CLSTN2: variants seen among roughly 807,000 people sequenced by gnomAD.
The protein encoded by CLSTN2 is calsyntenin-2.
CLSTN2 carries 48 observed loss-of-function variants against 101.2 expected under a neutral mutation model. The observed-to-expected ratio is 0.47, with a 90% CI of 0.38 to 0.60. The LOEUF (loss-of-function observed/expected upper bound fraction) is 0.60, where lower values mean the gene tolerates loss of function less well. CLSTN2 is among the 20% of genes least tolerant of loss of function. The pLI, the probability that CLSTN2 is intolerant of heterozygous loss-of-function variation, is 0.00. For missense variants in CLSTN2, 1,160 were observed against 1,238.2 expected (o/e 0.94, Z 0.95); for synonymous variants, 481 against 463.6 (o/e 1.04, Z -0.48).
At chr3:140,481,424 A>G (rs988861983) in intron 8 of CLSTN2, among the ~76,000 whole-genome samples, 1 of 152,236 alleles carries the variant, frequency 6.6e-6, no homozygotes, top group African/African-American at 2.4e-5. Context: ...TTACTTGACA[A>G]TGTGGGCTCC....
intron 2 of CLSTN2, among the ~76,000 whole-genome samples, chr3:140,315,680 G>A (rs957926204): frequency 5.3e-5 from 8 of 152,194 alleles, no homozygotes; most frequent in African/African-American, 1.2e-4. Context: ...GCTCCACAGA[G>A]TGGCTGTTAC....
intron 2 of CLSTN2, among the ~76,000 whole-genome samples, chr3:140,283,879 GT>G (rs1387615520): frequency 2.0e-5 from 3 of 152,106 alleles, no homozygotes; most frequent in Middle Eastern, 3.2e-3. Flanking sequence ...TGGCATTTAA[GT>G]TATGACTTGT....
intron 1 of CLSTN2, among the ~76,000 whole-genome samples, chr3:140,102,361 C>A (rs1226165400): frequency 1.3e-5 from 2 of 152,166 alleles, no homozygotes; most frequent in Admixed American, 1.3e-4. Context: ...GGGCAAGAAG[C>A]CTGTTGTGCT....
chr3:140,048,218 A>C (rs1457289464), intron 1 of CLSTN2, among the ~76,000 whole-genome samples: 1 of 152,256 alleles, frequency 6.6e-6, no homozygotes, highest in Non-Finnish European at 1.5e-5. Flanking sequence ...ATGCACGGCT[A>C]TTAAAATTAA....
intron 1 of CLSTN2, among the ~76,000 whole-genome samples, chr3:139,942,836 C>T (rs971325887): frequency 3.9e-5 from 6 of 152,126 alleles, no homozygotes; most frequent in Non-Finnish European, 5.9e-5. Context: ...CCACTTGAAG[C>T]CCATTTCTTT....
intron 1 of CLSTN2, among the ~76,000 whole-genome samples, chr3:140,018,348 C>T (rs1271661824): frequency 6.6e-6 from 1 of 152,162 alleles, no homozygotes; most frequent in African/African-American, 2.4e-5. Context: ...CCAGCAGCAG[C>T]AATATTATAG....
At chr3:140,071,832 A>AAAATAAATAAATAAATAAATAAAT (rs142873442) in intron 1 of CLSTN2, among the ~76,000 whole-genome samples, 31 of 149,848 alleles carry the variant, frequency 2.1e-4, no homozygotes, top group African/African-American at 7.5e-4. Flanking sequence ...CTCCGTCTAA[A>AAAATAAATAAATAAATAAATAAAT]AAATAAATAA....
chr3:140,184,409 G>A (rs927272044), intron 2 of CLSTN2, among the ~76,000 whole-genome samples: 12 of 152,076 alleles, frequency 7.9e-5, no homozygotes, highest in African/African-American at 2.9e-4. Flanking sequence ...GGTAGCAGGT[G>A]AGAGAGAGAG....
intron 6 of CLSTN2, among the ~76,000 whole-genome samples, chr3:140,453,717 G>C (rs1383861703): frequency 6.6e-6 from 1 of 152,122 alleles, no homozygotes; most frequent in Admixed American, 6.6e-5. Context: ...ATATTGCATT[G>C]TATCCCATAA....
chr3:140,495,192 A>G (rs1474980815), intron 8 of CLSTN2, among the ~76,000 whole-genome samples: 2 of 152,122 alleles, frequency 1.3e-5, no homozygotes, highest in Admixed American at 6.5e-5. Context: ...TGTGGTTTTG[A>G]CTTGCATTTC....
intron 9 of CLSTN2, among the ~76,000 whole-genome samples, chr3:140,537,048 G>A (rs1935374510): frequency 6.6e-6 from 1 of 152,172 alleles, no homozygotes; most frequent in South Asian, 2.1e-4. Context: ...ATCTCTGCAT[G>A]TTTCTAAACC....
chr3:139,987,355 G>T (rs1576387634), intron 1 of CLSTN2, among the ~76,000 whole-genome samples: 1 of 152,296 alleles, frequency 6.6e-6, no homozygotes, highest in East Asian at 1.9e-4. Flanking sequence ...ATGGACAAGA[G>T]CTTATACATT....
At chr3:140,388,354 A>G (rs550501661) in intron 2 of CLSTN2, among the ~76,000 whole-genome samples, 4 of 152,270 alleles carry the variant, frequency 2.6e-5, no homozygotes, top group Non-Finnish European at 4.4e-5. Flanking sequence ...ATGGAGATAC[A>G]TAAATCACAC....
intron 8 of CLSTN2, among the ~76,000 whole-genome samples, chr3:140,502,130 G>A (rs563874075): frequency 6.6e-6 from 1 of 152,204 alleles, no homozygotes; most frequent in Non-Finnish European, 1.5e-5. Context: ...TATGGTGGTG[G>A]TGGGTGAAGG....
At chr3:140,518,900 C>T (rs1576609011) in intron 8 of CLSTN2, among the ~76,000 whole-genome samples, 1 of 152,246 alleles carries the variant, frequency 6.6e-6, no homozygotes, top group African/African-American at 2.4e-5. Context: ...TTGTTTGCTC[C>T]TGGTTCTTCT....
intron 1 of CLSTN2, among the ~76,000 whole-genome samples, chr3:140,060,929 C>A (rs577283215): frequency 6.6e-6 from 1 of 152,248 alleles, no homozygotes; most frequent in Admixed American, 6.5e-5. Flanking sequence ...GAATTTCTGC[C>A]TTCAGTGAGT....
chr3:140,420,822 T>C (rs940503954), intron 4 of CLSTN2, among the ~76,000 whole-genome samples: 1 of 152,194 alleles, frequency 6.6e-6, no homozygotes, highest in Non-Finnish European at 1.5e-5. Context: ...CAGGAGGAAG[T>C]CTTCTGGCAG....
chr3:140,283,229 C>G (rs1022050926), intron 2 of CLSTN2, among the ~76,000 whole-genome samples: 1 of 152,116 alleles, frequency 6.6e-6, no homozygotes, highest in Non-Finnish European at 1.5e-5. Flanking sequence ...ATCACTAGTT[C>G]AGGTGAAGCC....
At chr3:140,249,516 G>A (rs1162322779) in intron 2 of CLSTN2, among the ~76,000 whole-genome samples, 6 of 152,060 alleles carry the variant, frequency 3.9e-5, no homozygotes, top group Admixed American at 3.9e-4. Flanking sequence ...CTAAGCTAGG[G>A]GCATAGCAGC....
Sources: gnomAD v4.1 joint callset for allele counts (sites outside exome capture counted in the v4.1 genomes callset) on GRCh38, gnomAD v4.1.1 for gene constraint, MANE v1.5 for transcripts, NCBI Gene and HGNC (gene_info 2026-07-23, HGNC 2026-07-21) for gene names.